Variants in CCDC70 observed in about 807,000 individuals in gnomAD.
CCDC70 encodes the protein coiled-coil domain containing 70.
A neutral mutation model predicts 9.1 loss-of-function variants in CCDC70; 4 were observed. The observed-to-expected ratio is 0.44, with a 90% CI of 0.22 to 1.00. CCDC70 has a LOEUF of 1.00. Among genes scored for constraint, CCDC70 ranks in the 50% least tolerant of loss-of-function variants. CCDC70 has a pLI of 0.25. For missense variants in CCDC70, 308 were observed against 271.3 expected (o/e 1.14, Z -0.95); for synonymous variants, 119 against 94.0 (o/e 1.27, Z -1.54).
chr13:51,863,449 G>C (rs1422345810), intron 1 of CCDC70, among the ~76,000 whole-genome samples: 17 of 152,154 alleles, frequency 1.1e-4, no homozygotes, highest in Admixed American at 6.5e-4. Flanking sequence ...ATCCTGGCCT[G>C]ACCTGGCTGT....
Position 51,865,884 on chromosome 13 carries a change from C to G in CCDC70, c.473C>G (p.Ala158Gly). The change falls in exon 2 of 2, where the codon GCC becomes GGC. Residue 158 changes from alanine (A) to glycine (G), a missense_variant. Transcript: ENST00000242819. Reference sequence around the variant, plus strand: ...AAGGCCCTGTGGGTAGAGGAAAGAGCCCTCCTTGAGGGGGAGAAAGCCCTG... The same window carrying G: ...AAGGCCCTGTGGGTAGAGGAAAGAGGCCTCCTTGAGGGGGAGAAAGCCCTG... ...EEKALWVEERALLEGEKALWE... is the reference protein window; with the variant it reads ...EEKALWVEERGLLEGEKALWE... 1 of 1,613,476 alleles carries G rather than the reference C, an allele frequency of 6.2e-7. No individual in the cohort carries two copies. Among genetic ancestry groups the G allele is most frequent in the Non-Finnish European group, 8.5e-7 (1 of 1,179,804 alleles).
Position 51,866,058 on chromosome 13 carries a change from C to T in CCDC70, c.647C>T (p.Ala216Val). The part of the protein sequence containing the change: ...HNANRGQRLL[A>V]FSRGRA ...GCCAACAGAGGGCAGCGCTTGCTGG[C>T]CTTCTCCCGAGGCAGGGCGTAGCCA... The change falls in exon 2 of 2, where the codon GCC (alanine) becomes GTC (valine). Residue 216 changes from alanine (A) to valine (V), a missense_variant. Physicochemically the swap from Ala to Val is moderately conservative, Grantham distance 64. Transcript: ENST00000242819. 2 of 1,586,944 alleles carry T rather than the reference C, an allele frequency of 1.3e-6. No homozygotes were observed. The highest frequency in any genetic ancestry group is 2.2e-5 in the East Asian group (1 of 44,754).
In CCDC70 at chr13:51,866,070, G is replaced by A; in HGVS notation, c.659G>A (p.Gly220Asp). ...RGQRLLAFSR[G>D]RA The stretch of plus-strand genomic sequence containing the variant: ...CAGCGCTTGCTGGCCTTCTCCCGAG[G>A]CAGGGCGTAGCCAGCATGCAGGTGC... Residue 220 changes from glycine to aspartate, a missense_variant, in exon 2 of 2, where the codon GGC becomes GAC. Gly to Asp is a moderately conservative substitution (Grantham distance 94). Coordinates refer to ENST00000242819, the MANE Select transcript of CCDC70 (RefSeq NM_031290.4). The A allele has an allele frequency of 6.3e-7, 1 of 1,575,234 alleles. No individual in the cohort carries two copies. The highest frequency in any genetic ancestry group is 8.6e-7 in the Non-Finnish European group (1 of 1,163,534).
intron 1 of CCDC70, among the ~76,000 whole-genome samples, chr13:51,863,793 C>T (rs972883760): frequency 8.5e-5 from 13 of 152,050 alleles, no homozygotes; most frequent in African/African-American, 2.4e-4. Flanking sequence ...GAAAATTTCC[C>T]CAATAGGTCT....
At chr13:51,865,300 T>G (rs1566371377) in intron 1 of CCDC70, 32 bp from the exon 2 acceptor site, 4 of 1,200,418 alleles carry the variant, frequency 3.3e-6, no homozygotes, top group East Asian at 4.7e-5. Context: ...CATGTGATAC[T>G]CATAGATCTG....
In CCDC70 at chr13:51,865,879, A is replaced by C; in HGVS notation, c.468A>C (p.Glu156Asp). Residue 156 changes from glutamate to aspartate, a missense_variant, in exon 2 of 2, where the codon GAA (glutamate) becomes GAC (aspartate). Coordinates refer to ENST00000242819, the MANE Select transcript of CCDC70 (RefSeq NM_031290.4). ...WEEEKALWVEERALLEGEKAL... is the reference protein window; with the variant it reads ...WEEEKALWVEDRALLEGEKAL... ...AAGAAAAGGCCCTGTGGGTAGAGGA[A>C]AGAGCCCTCCTTGAGGGGGAGAAAG... The C allele has an allele frequency of 6.2e-7, 1 of 1,613,452 alleles. No homozygotes were observed. Among genetic ancestry groups the C allele is most frequent in the Non-Finnish European group, 8.5e-7 (1 of 1,179,824 alleles).
intron 1 of CCDC70, among the ~76,000 whole-genome samples, chr13:51,863,829 A>G (rs540236099): frequency 2.6e-4 from 39 of 152,296 alleles, no homozygotes; most frequent in African/African-American, 9.4e-4. Flanking sequence ...GGTGAGATCC[A>G]CTGAGTGAGG....
Position 51,866,206 on chromosome 13 carries a change from G to T in CCDC70, c.*126G>T. The T allele has an allele frequency of 1.2e-6, 1 of 856,846 alleles. No individual in the cohort carries two copies. 53.1% of individuals were successfully genotyped at this position (856,846 alleles called of 1,614,324 possible). ...TCCTTGCTTTGAAAGATCCAATAAAGTCCTGAGGCAAGGTTTGGAAAACCA... is the reference window on the plus strand; with the variant it reads ...TCCTTGCTTTGAAAGATCCAATAAATTCCTGAGGCAAGGTTTGGAAAACCA... On this transcript the variant is annotated 3_prime_UTR_variant, in exon 2 of 2. Transcript: ENST00000242819.
At chr13:51,865,294 T>A in intron 1 of CCDC70, 38 bp from the exon 2 acceptor site, 1 of 1,119,932 alleles carries the variant, frequency 8.9e-7, no homozygotes, top group Admixed American at 2.4e-5. Flanking sequence ...CCCTGGCATG[T>A]GATACTCATA....
In CCDC70 at chr13:51,866,006, C is replaced by CA. The variant is rs1448308698; in HGVS notation, c.596dup (p.Met200AspfsTer46). ...GAACAATGGCCACATTGCCGGAGAG[C>CA]AGATGCTCGAAGATGGGCCCCACAA... On this transcript the variant is annotated frameshift_variant, in exon 2 of 2. Transcript: ENST00000242819. LOFTEE classifies it low-confidence loss of function (END_TRUNC). The CA allele has an allele frequency of 7.4e-6, 12 of 1,612,356 alleles. No homozygotes were observed. Among genetic ancestry groups the CA allele is most frequent in the Non-Finnish European group, 1.0e-5 (12 of 1,179,504 alleles).
Position 51,865,445 on chromosome 13 carries a change from C to T in CCDC70, c.34C>T (p.Leu12Phe). Residue 12 changes from leucine to phenylalanine, a missense_variant, in exon 2 of 2, where the codon CTT (leucine) becomes TTT (phenylalanine). Transcript: ENST00000242819. ...CTTCAAGGTGAGCAGATGGATGGGG[C>T]TTGCCTGCTTCCGGTCCCTGGCGGC... ...FSFKVSRWMG[L>F]ACFRSLAASS... 6.2e-7 allele frequency: 1 copy of T among 1,614,004 alleles called. No homozygotes were observed. Among genetic ancestry groups the T allele is most frequent in the African/African-American group, 1.3e-5 (1 of 75,046 alleles).
rs748341453 is a variant in CCDC70 at position 51,866,059 on chromosome 13, C to T, written c.648C>T (p.Ala216=). ...HNANRGQRLL[A]FSRGRA Reference sequence around the variant, plus strand: ...CCAACAGAGGGCAGCGCTTGCTGGCCTTCTCCCGAGGCAGGGCGTAGCCAG... The same window carrying T: ...CCAACAGAGGGCAGCGCTTGCTGGCTTTCTCCCGAGGCAGGGCGTAGCCAG... Residue 216 remains alanine, a synonymous_variant, in exon 2 of 2, where the codon GCC becomes GCT. Transcript: ENST00000242819. 8.8e-6 allele frequency: 14 copies of T among 1,586,648 alleles called. No homozygotes were observed. Among genetic ancestry groups the T allele is most frequent in the Admixed American group, 1.8e-5 (1 of 54,772 alleles).
Position 51,865,918 on chromosome 13 carries a change from T to A in CCDC70, c.507T>A (p.Asp169Glu). 6.2e-7 allele frequency: 1 copy of A among 1,613,644 alleles called. No individual in the cohort carries two copies. The highest frequency in any genetic ancestry group is 8.5e-7 in the Non-Finnish European group (1 of 1,179,854). ...LLEGEKALWEDKTSLWEEENA... is the reference protein window; with the variant it reads ...LLEGEKALWEEKTSLWEEENA... Reference sequence around the variant, plus strand: ...AGGGGGAGAAAGCCCTGTGGGAAGATAAAACGTCCCTCTGGGAGGAAGAGA... The same window carrying A: ...AGGGGGAGAAAGCCCTGTGGGAAGAAAAAACGTCCCTCTGGGAGGAAGAGA... The change falls in exon 2 of 2, where the codon GAT becomes GAA. Residue 169 changes from aspartate (D) to glutamate (E), a missense_variant. Coordinates refer to ENST00000242819, the MANE Select transcript of CCDC70 (RefSeq NM_031290.4).
At chr13:51,863,076 G>A (rs80160861) in intron 1 of CCDC70, among the ~76,000 whole-genome samples, 1,999 of 152,308 alleles carry the variant, frequency 0.013, 48 homozygotes, top group African/African-American at 0.045. Context: ...GGATGTACAG[G>A]AATTCAAGCC....
At chr13:51,862,457 T>C (rs1436115137) in intron 1 of CCDC70, among the ~76,000 whole-genome samples, 1 of 152,230 alleles carries the variant, frequency 6.6e-6, no homozygotes, top group African/African-American at 2.4e-5. Context: ...TTTCTTTCTT[T>C]CTTAAAGAAA....
At position 51,866,089 on chromosome 13, in the gene CCDC70, C is replaced by A. The variant is rs1272960934; in HGVS notation, c.*9C>A. On this transcript the variant is annotated 3_prime_UTR_variant, in exon 2 of 2. Coordinates refer to ENST00000242819, the MANE Select transcript of CCDC70 (RefSeq NM_031290.4). The stretch of plus-strand genomic sequence containing the variant: ...CCCGAGGCAGGGCGTAGCCAGCATG[C>A]AGGTGCAGGGCCCTGTGGTCCAGAC... 1 of 1,559,656 alleles carries A rather than the reference C, an allele frequency of 6.4e-7. No individual in the cohort carries two copies. Among genetic ancestry groups the A allele is most frequent in the Non-Finnish European group, 8.7e-7 (1 of 1,155,640 alleles).
rs1163076388 is a variant in CCDC70 at position 51,865,724 on chromosome 13, G to A, written c.313G>A (p.Glu105Lys). ...CTGGGAAATGGAAAAGTCTTTCAGG[G>A]AGGAAGAGAAAACTTTCTGGAAAAA... ...SFWEMEKSFR[E>K]EEKTFWKKYR... The change falls in exon 2 of 2, where the codon GAG (glutamate) becomes AAG (lysine). Residue 105 changes from glutamate to lysine, a missense_variant. By Grantham distance (56) the Glu-to-Lys change is moderately conservative (BLOSUM62 1). Coordinates refer to ENST00000242819, the MANE Select transcript of CCDC70 (RefSeq NM_031290.4). The A allele has an allele frequency of 1.9e-6, 3 of 1,614,146 alleles. No homozygotes were observed. Among genetic ancestry groups the A allele is most frequent in the Admixed American group, 3.3e-5 (2 of 60,026 alleles).
Position 51,865,347 on chromosome 13 carries a change from C to G in CCDC70, c.-65C>G. The G allele has an allele frequency of 1.3e-6, 2 of 1,543,448 alleles. No individual in the cohort carries two copies. Among genetic ancestry groups the G allele is most frequent in the Non-Finnish European group, 1.7e-6 (2 of 1,146,588 alleles). On this transcript the variant is annotated 5_prime_UTR_variant, in exon 2 of 2. Coordinates refer to ENST00000242819, the MANE Select transcript of CCDC70 (RefSeq NM_031290.4). ...GCCCCCACAGGGTCTGACCAGCCGA[C>G]CTGGACCTGGCCAAGGGTCCTGTCA...
chr13:51,864,393 C>G (rs1956404703), intron 1 of CCDC70, among the ~76,000 whole-genome samples: 1 of 152,216 alleles, frequency 6.6e-6, no homozygotes, highest in Non-Finnish European at 1.5e-5. Flanking sequence ...GACTTTGGGA[C>G]TCACTTCCTT....
Sources: allele counts gnomAD v4.1 joint callset (sites outside exome capture counted in the v4.1 genomes callset), GRCh38; gene constraint gnomAD v4.1.1; transcripts MANE v1.5; gene names NCBI Gene and HGNC (gene_info 2026-07-23, HGNC 2026-07-21).